CEP112: variants seen among roughly 807,000 people sequenced by gnomAD.
CEP112 encodes centrosomal protein 112.
A neutral mutation model predicts 153.0 loss-of-function variants in CEP112; 127 were observed. That is an observed-to-expected ratio of 0.83 (90% CI 0.72 to 0.96). The LOEUF is 0.96. Ranked by LOEUF, CEP112 falls within the 40% of genes least tolerant of loss-of-function variation. The pLI is 0.00. For missense variants in CEP112, 1,089 were observed against 1,101.2 expected, an observed-to-expected ratio of 0.99 and a Z score of 0.16; for synonymous variants, 358 against 374.4, an observed-to-expected ratio of 0.96 and a Z score of 0.51.
At position 66,176,909 on chromosome 17, in the gene CEP112, A is replaced by G. The variant is rs777140697; in HGVS notation, c.218T>C (p.Met73Thr). Residue 73 changes from methionine (M) to threonine (T), a missense_variant, in exon 3 of 27, where the codon ATG (methionine) becomes ACG (threonine). Coordinates refer to ENST00000535342, the MANE Select transcript of CEP112 (RefSeq NM_001199165.4). ...RNLYAKLLLH[M>T]LKRGALEGPF... ...GCCTTCAAGCGCACCTCGTTTAAGC[A>G]TATGCAATAACAATTTTGCATACAG... 11 of 1,613,982 alleles carry G rather than the reference A, an allele frequency of 6.8e-6. No homozygotes were observed. The highest frequency in any genetic ancestry group is 1.3e-5 in the African/African-American group (1 of 75,044).
intron 17 of CEP112, among the ~76,000 whole-genome samples, chr17:65,988,135 T>G (rs188771349): frequency 6.6e-6 from 1 of 152,260 alleles, no homozygotes; most frequent in African/African-American, 2.4e-5. Flanking sequence ...CATTTAGGAC[T>G]TTCCATATTC....
intron 12 of CEP112, among the ~76,000 whole-genome samples, chr17:66,035,007 TA>T (rs200006611): frequency 0.047 from 4,888 of 103,130 alleles, 275 homozygotes; most frequent in South Asian, 0.12. Flanking sequence ...TATATATATA[TA>T]TTTTTTTTTT....
intron 23 of CEP112, among the ~76,000 whole-genome samples, chr17:65,706,983 C>T (rs1172638178): frequency 6.6e-6 from 1 of 152,216 alleles, no homozygotes; most frequent in Admixed American, 6.5e-5. Context: ...TGCTTCTATT[C>T]CACATGTTCC....
intron 8 of CEP112, among the ~76,000 whole-genome samples, chr17:66,087,587 A>G (rs1222823162): frequency 6.6e-6 from 1 of 152,220 alleles, no homozygotes; most frequent in African/African-American, 2.4e-5. Flanking sequence ...AAGATGGCAG[A>G]CTAGGACTTT....
chr17:65,932,062 C>G (rs2061144310), intron 18 of CEP112, among the ~76,000 whole-genome samples: 1 of 152,200 alleles, frequency 6.6e-6, no homozygotes, highest in Admixed American at 6.5e-5. Flanking sequence ...TATCACAGAG[C>G]CCAGCCAGCA....
chr17:66,107,968 G>A (rs1013804091), intron 6 of CEP112, among the ~76,000 whole-genome samples: 3 of 151,952 alleles, frequency 2.0e-5, no homozygotes, highest in African/African-American at 7.2e-5. Context: ...AATGGAGTAG[G>A]ATAGAGAACC....
At chr17:65,914,202 TTTTAC>T in intron 19 of CEP112, among the ~76,000 whole-genome samples, 1 of 151,476 alleles carries the variant, frequency 6.6e-6, no homozygotes, top group African/African-American at 2.4e-5. Context: ...TTTTAATTCA[TTTTAC>T]TTTATGTGTT....
chr17:65,965,082 C>A (rs73992157), intron 17 of CEP112, among the ~76,000 whole-genome samples: 10,014 of 152,114 alleles, frequency 0.066, 474 homozygotes, highest in African/African-American at 0.12. Context: ...TGCAATAATT[C>A]ACATGAACTA....
At chr17:65,725,431 T>C (rs1258953838) in intron 23 of CEP112, among the ~76,000 whole-genome samples, 3 of 152,050 alleles carry the variant, frequency 2.0e-5, no homozygotes, top group African/African-American at 7.2e-5. Flanking sequence ...GATTCTCCTA[T>C]CTCAGCCTCC....
At chr17:65,753,577 C>G (rs915915727) in intron 21 of CEP112, among the ~76,000 whole-genome samples, 3 of 152,138 alleles carry the variant, frequency 2.0e-5, no homozygotes. Context: ...GACTCCAGCT[C>G]TATTATGATT....
At chr17:65,749,369 G>A (rs910234250) in intron 22 of CEP112, among the ~76,000 whole-genome samples, 13 of 152,000 alleles carry the variant, frequency 8.6e-5, no homozygotes, top group African/African-American at 2.2e-4. Context: ...TTAGCTGGGC[G>A]TGGTGGCGGG....
At chr17:65,721,006 T>C (rs1299485677) in intron 23 of CEP112, among the ~76,000 whole-genome samples, 1 of 139,152 alleles carries the variant, frequency 7.2e-6, no homozygotes, top group South Asian at 2.3e-4. Flanking sequence ...TCTCTCTCTC[T>C]CTCTTTTTTT....
chr17:66,041,948 T>A (rs1194916902), intron 12 of CEP112, among the ~76,000 whole-genome samples: 2 of 152,168 alleles, frequency 1.3e-5, no homozygotes, highest in African/African-American at 4.8e-5. Context: ...TTTCAAGTAG[T>A]ACAGTATGGA....
chr17:66,106,073 A>G (rs2068770074), intron 6 of CEP112, among the ~76,000 whole-genome samples: 1 of 152,128 alleles, frequency 6.6e-6, no homozygotes, highest in East Asian at 1.9e-4. Context: ...AGAAATAAAG[A>G]AGGAAATAAA....
intron 21 of CEP112, among the ~76,000 whole-genome samples, chr17:65,832,992 A>C (rs930495300): frequency 3.9e-5 from 6 of 152,198 alleles, no homozygotes; most frequent in Non-Finnish European, 8.8e-5. Context: ...GCAGCACATC[A>C]AAAAGCTAAT....
At chr17:65,876,686 T>A (rs1227110564) in intron 20 of CEP112, among the ~76,000 whole-genome samples, 2 of 152,184 alleles carry the variant, frequency 1.3e-5, no homozygotes, top group Non-Finnish European at 2.9e-5. Flanking sequence ...CTTGAACATC[T>A]TGGATTAATC....
At chr17:65,692,395 T>G (rs941569977) in intron 23 of CEP112, among the ~76,000 whole-genome samples, 1 of 151,924 alleles carries the variant, frequency 6.6e-6, no homozygotes, top group South Asian at 2.1e-4. Flanking sequence ...ACCCGGCTAA[T>G]TTTTTATATT....
intron 18 of CEP112, among the ~76,000 whole-genome samples, chr17:65,928,256 A>T (rs1489590152): frequency 6.6e-6 from 1 of 152,236 alleles, no homozygotes. Flanking sequence ...GAATAGCAAT[A>T]ATAAAAAAGG....
At chr17:65,886,698 C>G (rs1380912846) in intron 20 of CEP112, among the ~76,000 whole-genome samples, 1 of 152,188 alleles carries the variant, frequency 6.6e-6, no homozygotes, top group African/African-American at 2.4e-5. Flanking sequence ...CAATTCACTA[C>G]AGTTTCATTC....
Sources: gnomAD v4.1 joint callset for allele counts (sites outside exome capture counted in the v4.1 genomes callset) on GRCh38, gnomAD v4.1.1 for gene constraint, MANE v1.5 for transcripts, NCBI Gene and HGNC (gene_info 2026-07-23, HGNC 2026-07-21) for gene names.